The following KCNMA1 variants were observed in gnomAD, a reference collection of about 807,000 sequenced individuals.
The protein encoded by KCNMA1 is Calcium-activated potassium channel subunit alpha-1.
KCNMA1 carries 29 observed loss-of-function variants against 140.0 expected under a neutral mutation model. That is an observed-to-expected ratio of 0.21 (90% confidence interval 0.15 to 0.28). The LOEUF (loss-of-function observed/expected upper bound fraction) is 0.28, where lower values mean the gene tolerates loss of function less well. Ranked by LOEUF, KCNMA1 falls within the 10% of genes least tolerant of loss-of-function variation. KCNMA1 has a pLI of 1.00. For synonymous variants in KCNMA1, 612 were observed against 611.9 expected, an observed-to-expected ratio of 1.00 and a Z score of 0.00; for missense variants, 880 against 1,602.2, an observed-to-expected ratio of 0.55 and a Z score of 7.70.
At chr10:77,633,971 G>A (rs918663142) in intron 1 of KCNMA1, 1 of 181,350 alleles carries the variant, frequency 5.5e-6, no homozygotes, top group Non-Finnish European at 1.1e-5. Flanking sequence ...CACATTCTGA[G>A]CTAGAAACTT....
At chr10:77,122,364 T>A in intron 5 of KCNMA1, among the ~76,000 whole-genome samples, 1 of 152,190 alleles carries the variant, frequency 6.6e-6, no homozygotes, top group East Asian at 1.9e-4. Context: ...TGCTAAATAA[T>A]ACTTATATAA....
At chr10:77,582,830 C>A (rs2076234653) in intron 1 of KCNMA1, among the ~76,000 whole-genome samples, 1 of 152,238 alleles carries the variant, frequency 6.6e-6, no homozygotes, top group Non-Finnish European at 1.5e-5. Context: ...CCAGATAAGA[C>A]TGTTTAGTAG....
intron 3 of KCNMA1, 138 bp downstream of exon 3, chr10:77,251,057 T>C (rs2059567654): frequency 1.4e-6 from 1 of 738,536 alleles, no homozygotes; most frequent in Admixed American, 2.0e-5. Flanking sequence ...ATCAGTACAG[T>C]ACAGCACTAG....
intron 1 of KCNMA1, among the ~76,000 whole-genome samples, chr10:77,450,852 G>C (rs1303188118): frequency 1.3e-5 from 2 of 152,186 alleles, no homozygotes; most frequent in African/African-American, 4.8e-5. Context: ...ATGTGTTGTA[G>C]GAGGGACCCA....
chr10:77,395,395 C>T (rs915708570), intron 2 of KCNMA1, among the ~76,000 whole-genome samples: 1 of 152,048 alleles, frequency 6.6e-6, no homozygotes, highest in African/African-American at 2.4e-5. Context: ...AGCTTATGAA[C>T]CACACAAAAG....
chr10:77,050,078 TCC>T (rs1676262700), intron 14 of KCNMA1, among the ~76,000 whole-genome samples: 1 of 152,170 alleles, frequency 6.6e-6, no homozygotes, highest in South Asian at 2.1e-4. Flanking sequence ...GCCCCGTCCC[TCC>T]CCATCTCATG....
chr10:77,522,019 A>G (rs1239550294), intron 1 of KCNMA1, among the ~76,000 whole-genome samples: 1 of 152,080 alleles, frequency 6.6e-6, no homozygotes, highest in African/African-American at 2.4e-5. Context: ...TACTAAAAAT[A>G]CAAAAATTAG....
intron 14 of KCNMA1, among the ~76,000 whole-genome samples, chr10:77,052,211 G>A (rs1410598818): frequency 6.6e-6 from 1 of 152,160 alleles, no homozygotes; most frequent in East Asian, 1.9e-4. Context: ...TAAGCAGCCT[G>A]AGTTTGTCCC....
At chr10:77,386,954 C>T (rs984753353) in intron 2 of KCNMA1, among the ~76,000 whole-genome samples, 4 of 152,140 alleles carry the variant, frequency 2.6e-5, no homozygotes, top group Non-Finnish European at 4.4e-5. Context: ...GACGCATCAA[C>T]CCCCACCAAA....
At chr10:77,436,999 C>CACACACACA in intron 1 of KCNMA1, among the ~76,000 whole-genome samples, 1 of 148,136 alleles carries the variant, frequency 6.8e-6, no homozygotes, top group African/African-American at 2.5e-5. Flanking sequence ...CACACACACT[C>CACACACACA]CTTCAGCCAA....
chr10:77,065,025 C>T (rs1264736399), intron 14 of KCNMA1, among the ~76,000 whole-genome samples: 3 of 152,192 alleles, frequency 2.0e-5, no homozygotes, highest in Non-Finnish European at 4.4e-5. Context: ...CAAAATCACA[C>T]CAAATTACAA....
chr10:76,886,041 G>T lies in KCNMA1; in HGVS notation c.*1225C>A. ...TTTCTGCATTGGGACAGCCAGCACC[G>T]CACAGCTGTGCCAACAGTTGAAGGT... On this transcript the variant is annotated 3_prime_UTR_variant, in exon 28 of 28. Coordinates refer to ENST00000286628, the MANE Select transcript of KCNMA1 (RefSeq NM_001161352.2). 1 of 985,400 alleles carries T rather than the reference G, an allele frequency of 1.0e-6. No individual in the cohort carries two copies. Among genetic ancestry groups the T allele is most frequent in the Non-Finnish European group, 1.2e-6 (1 of 829,936 alleles). 61.0% of individuals were successfully genotyped at this position (985,400 alleles called of 1,614,324 possible).
rs752766663 is a variant in KCNMA1, at chr10:76,940,998, A to AAAGGAAGGAAGGAAGGAAGG, written c.2902+3755_2902+3774dup. Among the ~76,000 whole-genome samples the AAAGGAAGGAAGGAAGGAAGG allele has an allele frequency of 3.0e-3, 191 of 63,228 alleles. 8 individuals carry two copies. The highest frequency in any genetic ancestry group is 6.5e-3 in the East Asian group (13 of 2,006). The allele number at this position is 63,228 out of a possible 152,430, so 41.5% of individuals were successfully genotyped here. The stretch of plus-strand genomic sequence containing the variant: ...GAAAGAAAGAGAGAAAGAGAGAAAG[A>AAAGGAAGGAAGGAAGGAAGG]AAGGAAGGAAGGAAGGAAGGAAGAA... On this transcript the variant is annotated intron_variant, in intron 23 of 27. Transcript: ENST00000286628.
chr10:76,901,339 T>C (rs2045303019), intron 25 of KCNMA1: 1 of 152,218 alleles, frequency 6.6e-6, no homozygotes, highest in Admixed American at 6.5e-5. Flanking sequence ...TTCTTTTATA[T>C]GTTTCTGTGC....
intron 5 of KCNMA1, among the ~76,000 whole-genome samples, chr10:77,150,957 G>C (rs2098405762): frequency 6.6e-6 from 1 of 152,174 alleles, no homozygotes; most frequent in Admixed American, 6.5e-5. Context: ...ATCCCATTCA[G>C]ATCAAATTTC....
intron 2 of KCNMA1, among the ~76,000 whole-genome samples, chr10:77,278,111 A>G (rs1228981813): frequency 6.6e-6 from 1 of 152,186 alleles, no homozygotes; most frequent in Non-Finnish European, 1.5e-5. Flanking sequence ...ACTTAGTACA[A>G]GTTTACCCAA....
At position 77,403,938 on chromosome 10, in the gene KCNMA1, T is replaced by G; in HGVS notation, c.464A>C (p.Glu155Ala). The G allele has an allele frequency of 6.2e-7, 1 of 1,614,182 alleles. No homozygotes were observed. Among genetic ancestry groups the G allele is most frequent in the East Asian group, 2.2e-5 (1 of 44,866 alleles). The change falls in exon 2 of 28, where the codon GAG (glutamate) becomes GCG (alanine). Residue 155 changes from glutamate (E) to alanine (A), a missense_variant. Physicochemically the swap from Glu to Ala is moderately radical, Grantham distance 107 (BLOSUM62 -1). Transcript: ENST00000286628. ...CTTCACGGAGGTCATCCAGCCGACC[T>G]CGGCGGCCACTGCCTCCTCTTTTTC... Reference protein sequence around the residue: ...VDEKEEAVAAEVGWMTSVKDW... With the variant: ...VDEKEEAVAAAVGWMTSVKDW...
intron 20 of KCNMA1, among the ~76,000 whole-genome samples, chr10:76,958,616 T>C (rs775212167): frequency 4.6e-5 from 7 of 152,210 alleles, no homozygotes; most frequent in Admixed American, 1.3e-4. Flanking sequence ...TCTGATCCAA[T>C]AGGACTGGTG....
chr10:76,895,103 A>G (rs2041928379), intron 25 of KCNMA1, among the ~76,000 whole-genome samples: 1 of 152,154 alleles, frequency 6.6e-6, no homozygotes, highest in African/African-American at 2.4e-5. Context: ...GAAAATCCCT[A>G]TCCTTTTTTG....
Sources: allele counts gnomAD v4.1 joint callset (sites outside exome capture counted in the v4.1 genomes callset), GRCh38; gene constraint gnomAD v4.1.1; transcripts MANE v1.5; gene names NCBI Gene and HGNC (gene_info 2026-07-23, HGNC 2026-07-21).